The following GPM6A variants were observed in gnomAD, a reference collection of about 807,000 sequenced individuals.
GPM6A encodes the protein neuronal membrane glycoprotein M6-a.
A neutral mutation model predicts 32.1 loss-of-function variants in GPM6A; 7 were observed. That is an observed-to-expected ratio of 0.22 (90% CI 0.12 to 0.41). The LOEUF (loss-of-function observed/expected upper bound fraction) is 0.41, where lower values mean the gene tolerates loss of function less well. Ranked by LOEUF, GPM6A falls within the 10% of genes least tolerant of loss-of-function variation. The pLI, the probability that GPM6A is intolerant of heterozygous loss-of-function variation, is 1.00. For synonymous variants in GPM6A, 130 were observed against 123.4 expected, an observed-to-expected ratio of 1.05 and a Z score of -0.35; for missense variants, 235 against 347.2, an observed-to-expected ratio of 0.68 and a Z score of 2.57.
chr4:175,780,038 T>C (rs1386950204), intron 1 of GPM6A, among the ~76,000 whole-genome samples: 2 of 151,796 alleles, frequency 1.3e-5, no homozygotes, highest in Non-Finnish European at 2.9e-5. Flanking sequence ...TTTTAATTCA[T>C]GTGTTAACTT....
intron 1 of GPM6A, among the ~76,000 whole-genome samples, chr4:175,994,363 T>A (rs141394236): frequency 8.9e-4 from 136 of 152,278 alleles, no homozygotes; most frequent in African/African-American, 3.0e-3. Context: ...ATAAAAATAG[T>A]GCAGGCATGC....
chr4:175,770,693 C>T (rs1015634773), intron 1 of GPM6A, among the ~76,000 whole-genome samples: 2 of 152,160 alleles, frequency 1.3e-5, no homozygotes, highest in African/African-American at 4.8e-5. Context: ...AACATCCCTG[C>T]CAGCCCTGAT....
intron 1 of GPM6A, among the ~76,000 whole-genome samples, chr4:175,892,052 A>T (rs1294343738): frequency 6.6e-6 from 1 of 152,184 alleles, no homozygotes; most frequent in East Asian, 1.9e-4. Flanking sequence ...TTGTTTGGGA[A>T]GCAGTCTAGT....
intron 1 of GPM6A, among the ~76,000 whole-genome samples, chr4:175,953,793 G>A (rs891440655): frequency 4.6e-5 from 7 of 152,126 alleles, no homozygotes; most frequent in African/African-American, 9.7e-5. Flanking sequence ...CAGCTACTTC[G>A]GAGGCTGTGG....
chr4:175,746,106 C>T (rs937950221), intron 1 of GPM6A, among the ~76,000 whole-genome samples: 3 of 152,106 alleles, frequency 2.0e-5, no homozygotes, highest in African/African-American at 4.8e-5. Context: ...ATTTTGAGCA[C>T]TTCCAGACAA....
At chr4:175,920,711 C>A (rs540735822) in intron 1 of GPM6A, among the ~76,000 whole-genome samples, 1 of 151,640 alleles carries the variant, frequency 6.6e-6, no homozygotes, top group Admixed American at 6.6e-5. Context: ...TAGCCAGGTG[C>A]GGTGGTGCGT....
chr4:175,772,317 G>T (rs1190591548), intron 1 of GPM6A, among the ~76,000 whole-genome samples: 1 of 152,180 alleles, frequency 6.6e-6, no homozygotes, highest in Non-Finnish European at 1.5e-5. Flanking sequence ...TTTGAAAGAG[G>T]CTTTGGTTAG....
chr4:175,905,216 G>A (rs1056530211), intron 1 of GPM6A, among the ~76,000 whole-genome samples: 1 of 152,128 alleles, frequency 6.6e-6, no homozygotes, highest in South Asian at 2.1e-4. Flanking sequence ...GGGTTGTTTA[G>A]TAAGGTCTGT....
intron 1 of GPM6A, among the ~76,000 whole-genome samples, chr4:175,819,261 C>G (rs1430474556): frequency 1.3e-5 from 2 of 152,012 alleles, no homozygotes; most frequent in Non-Finnish European, 2.9e-5. Context: ...TCTGTGGTCA[C>G]AAAAATTCTA....
At chr4:175,666,177 C>A (rs1742743922) in intron 3 of GPM6A, among the ~76,000 whole-genome samples, 1 of 152,034 alleles carries the variant, frequency 6.6e-6, no homozygotes, top group Non-Finnish European at 1.5e-5. Flanking sequence ...GCCTCGGTCT[C>A]CCAGAATGCT....
At chr4:175,778,014 C>A (rs1733461321) in intron 1 of GPM6A, among the ~76,000 whole-genome samples, 1 of 152,176 alleles carries the variant, frequency 6.6e-6, no homozygotes. Context: ...ATTTATCACT[C>A]ATTTATTTCA....
upstream of GPM6A, chr4:175,812,417 T>C (rs528170008): frequency 2.1e-5 from 28 of 1,310,322 alleles, no homozygotes; most frequent in African/African-American, 3.7e-4. Context: ...TCTTGTTTGC[T>C]TGGAGACAGG....
intron 1 of GPM6A, among the ~76,000 whole-genome samples, chr4:175,797,217 C>T (rs1012489912): frequency 2.0e-5 from 3 of 152,100 alleles, no homozygotes; most frequent in African/African-American, 7.2e-5. Flanking sequence ...ATACTTTTTA[C>T]TTTCATTTTA....
At chr4:175,874,861 G>A (rs2111445562) in intron 1 of GPM6A, among the ~76,000 whole-genome samples, 1 of 152,236 alleles carries the variant, frequency 6.6e-6, no homozygotes, top group Admixed American at 6.5e-5. Context: ...GTGGCCATCT[G>A]CAGAGAAGGA....
At chr4:175,662,205 G>T (rs1034373697) in intron 3 of GPM6A, among the ~76,000 whole-genome samples, 24 of 152,112 alleles carry the variant, frequency 1.6e-4, no homozygotes, top group Admixed American at 2.6e-4. Flanking sequence ...TATACTGGGG[G>T]TTTTGACGGA....
Position 175,779,480 on chromosome 4 carries a change from C to T in GPM6A, c.37+32711G>A, listed in dbSNP as rs528856981. Reference sequence around the variant, plus strand: ...TAATGAATAGCATTCATGTGGTTTCCAGTTCAGTAAGCGGGTTTCGTATGG... The same window carrying T: ...TAATGAATAGCATTCATGTGGTTTCTAGTTCAGTAAGCGGGTTTCGTATGG... On this transcript the variant is annotated intron_variant, in intron 1 of 6. Transcript: ENST00000393658. Among the ~76,000 whole-genome samples, 4 of 152,188 alleles carry T rather than the reference C, an allele frequency of 2.6e-5. No individual in the cohort carries two copies. The South Asian group carries it at 8.3e-4, about 32-fold the overall frequency.
intron 1 of GPM6A, among the ~76,000 whole-genome samples, chr4:175,784,245 CA>C (rs1733714710): frequency 6.6e-6 from 1 of 152,000 alleles, no homozygotes; most frequent in Non-Finnish European, 1.5e-5. Flanking sequence ...GGCAATTCTA[CA>C]AAATACATGA....
intron 1 of GPM6A, among the ~76,000 whole-genome samples, chr4:175,775,958 GA>G (rs1244458629): frequency 2.0e-5 from 3 of 151,530 alleles, no homozygotes; most frequent in African/African-American, 4.8e-5. Context: ...GAAACCTTGA[GA>G]AAAAAAATAA....
chr4:175,801,030 G>T (rs1053999214), intron 1 of GPM6A: 4 of 169,080 alleles, frequency 2.4e-5, no homozygotes, highest in Admixed American at 2.3e-4. Flanking sequence ...TGTTTAACAA[G>T]CCTCCCAAGT....
Sources: gnomAD v4.1 joint callset for allele counts (sites outside exome capture counted in the v4.1 genomes callset) on GRCh38, gnomAD v4.1.1 for gene constraint, MANE v1.5 for transcripts, NCBI Gene and HGNC (gene_info 2026-07-23, HGNC 2026-07-21) for gene names.